The following COL11A1 variants were observed in gnomAD, a reference collection of about 807,000 sequenced individuals.
COL11A1 encodes collagen alpha-1(XI) chain.
COL11A1 carries 74 observed loss-of-function variants against 265.2 expected under a neutral mutation model. The ratio of observed to expected loss-of-function variants is 0.28; its 90% CI spans 0.23 to 0.34. The LOEUF (loss-of-function observed/expected upper bound fraction) is 0.34, where lower values mean the gene tolerates loss of function less well. Ranked by LOEUF, COL11A1 falls within the 10% of genes least tolerant of loss-of-function variation. The pLI, the probability that COL11A1 is intolerant of heterozygous loss-of-function variation, is 1.00. For synonymous variants in COL11A1, 816 were observed against 727.6 expected, an observed-to-expected ratio of 1.12 and a Z score of -1.96; for missense variants, 2,165 against 2,263.6, an observed-to-expected ratio of 0.96 and a Z score of 0.88.
intron 54 of COL11A1, among the ~76,000 whole-genome samples, chr1:102,907,804 A>G (rs1185144281): frequency 1.3e-5 from 2 of 152,032 alleles, no homozygotes; most frequent in Admixed American, 1.3e-4. Flanking sequence ...ATTTTAGTTT[A>G]TTAATATACT....
chr1:102,891,940 T>C (rs906309765), intron 57 of COL11A1, among the ~76,000 whole-genome samples: 1 of 152,192 alleles, frequency 6.6e-6, no homozygotes, highest in South Asian at 2.1e-4. Context: ...GCCAAATTGT[T>C]GTACTACAAT....
chr1:102,932,743 TTTGGTCTTTTCACA>T (rs1657631137), intron 46 of COL11A1, among the ~76,000 whole-genome samples: 3 of 151,044 alleles, frequency 2.0e-5, no homozygotes. Context: ...CAGACGTAGA[TTTGGTCTTTTCACA>T]TAGTCCCATA....
chr1:103,056,849 AT>A, intron 4 of COL11A1, among the ~76,000 whole-genome samples: 1 of 152,322 alleles, frequency 6.6e-6, no homozygotes, highest in East Asian at 1.9e-4. Context: ...TCAGTGTAAA[AT>A]AAATGTATGT....
Position 102,879,422 on chromosome 1 carries a change from T to C in COL11A1, c.5274+261A>G, listed in dbSNP as rs112796729. On this transcript the variant is annotated intron_variant, in intron 66 of 66. Transcript: ENST00000370096. ...ATAACTAGCTGTGATATGATTCAAA[T>C]GTCAGAATAAAATAACATATAATCC... 0.015 allele frequency among the ~76,000 whole-genome samples: 2,295 copies of C among 152,310 alleles called. 73 individuals carry two copies. The highest frequency in any genetic ancestry group is 0.053 in the African/African-American group (2,202 of 41,558).
At chr1:102,947,289 A>T (rs747758975) in intron 41 of COL11A1, among the ~76,000 whole-genome samples, 1 of 152,186 alleles carries the variant, frequency 6.6e-6, no homozygotes, top group South Asian at 2.1e-4. Flanking sequence ...AAATATATCT[A>T]ATAACCTCCT....
chr1:103,098,885 C>T (rs1415359), intron 1 of COL11A1, among the ~76,000 whole-genome samples: 96,697 of 151,356 alleles, frequency 0.64, 31,193 homozygotes, highest in East Asian at 0.92. Flanking sequence ...ATAGGTTGGC[C>T]TAGAACCAAA....
At chr1:103,053,737 A>T (rs1267620369) in intron 4 of COL11A1, among the ~76,000 whole-genome samples, 1 of 152,220 alleles carries the variant, frequency 6.6e-6, no homozygotes, top group Admixed American at 6.5e-5. Flanking sequence ...AACAAAAATC[A>T]AAAGAGAAAA....
rs149842131 is a variant in COL11A1 at position 102,976,289 on chromosome 1, C to CTTTTTTTTTTTTT, written c.2755-1419_2755-1407dup. On this transcript the variant is annotated intron_variant, in intron 35 of 66. Coordinates refer to ENST00000370096, the MANE Select transcript of COL11A1 (RefSeq NM_001854.4). ...TATAAAATTTCACAGAAAACGTTGG[C>CTTTTTTTTTTTTT]TTTTTTTTTTTTTTTTTTTTTTTTT... 7.0e-4 allele frequency among the ~76,000 whole-genome samples: 41 copies of CTTTTTTTTTTTTT among 58,600 alleles called. 9 individuals are homozygous for CTTTTTTTTTTTTT. The highest frequency in any genetic ancestry group is 2.0e-3 in the South Asian group (2 of 986). The allele number at this position is 58,600 out of a possible 152,430, so 38.4% of individuals were successfully genotyped here.
At chr1:102,958,032 A>G (rs2615984) in intron 41 of COL11A1, among the ~76,000 whole-genome samples, 143,303 of 152,126 alleles carry the variant, frequency 0.94, 67,644 homozygotes, top group East Asian at 1. Flanking sequence ...ACAAATAACC[A>G]CTGAATACTC....
intron 44 of COL11A1, among the ~76,000 whole-genome samples, chr1:102,936,925 T>C (rs1216573162): frequency 6.6e-6 from 1 of 152,130 alleles, no homozygotes; most frequent in Non-Finnish European, 1.5e-5. Flanking sequence ...CTACATAATT[T>C]ATGTGAGCTT....
intron 23 of COL11A1, 60 bp from the exon 24 acceptor site, chr1:103,002,029 AAC>A: frequency 7.1e-7 from 1 of 1,405,768 alleles, no homozygotes; most frequent in Non-Finnish European, 1.0e-6. Flanking sequence ...ATGCTTTTAA[AAC>A]AGCAAATTAT....
At chr1:102,915,735 A>ATTTGAAT in intron 49 of COL11A1, 51 bp from the exon 50 acceptor site, 1 of 1,357,794 alleles carries the variant, frequency 7.4e-7, no homozygotes, top group African/African-American at 1.4e-5. Context: ...GATCTTTTAC[A>ATTTGAAT]TTTATAAAAT....
chr1:102,977,768 G>C (rs1242808117), intron 35 of COL11A1, among the ~76,000 whole-genome samples: 2 of 152,044 alleles, frequency 1.3e-5, no homozygotes, highest in African/African-American at 2.4e-5. Flanking sequence ...AGTTCATCGA[G>C]AGTGAGAAAC....
intron 7 of COL11A1, among the ~76,000 whole-genome samples, 181 bp downstream of exon 7, chr1:103,025,340 T>C (rs1026532395): frequency 3.3e-5 from 5 of 152,218 alleles, no homozygotes; most frequent in Non-Finnish European, 7.4e-5. Flanking sequence ...GAATTGGCAT[T>C]GATTTCAGAT....
intron 30 of COL11A1, among the ~76,000 whole-genome samples, chr1:102,986,118 G>A (rs554052337): frequency 6.6e-6 from 1 of 151,878 alleles, no homozygotes; most frequent in Non-Finnish European, 1.5e-5. Flanking sequence ...TTCTTAAATA[G>A]CATTATTGCG....
At chr1:102,979,161 GT>G in intron 32 of COL11A1, 57 bp from the exon 33 acceptor site, 1 of 1,491,836 alleles carries the variant, frequency 6.7e-7, no homozygotes, top group Non-Finnish European at 9.4e-7. Flanking sequence ...TATGAGCCTG[GT>G]GCTGAGACTG....
At chr1:102,946,783 T>C (rs1369593833) in intron 42 of COL11A1, 66 bp downstream of exon 42, 1 of 1,267,862 alleles carries the variant, frequency 7.9e-7, no homozygotes, top group Non-Finnish European at 1.1e-6. Context: ...GCTAATATTA[T>C]TGAATAAAAA....
intron 4 of COL11A1, among the ~76,000 whole-genome samples, chr1:103,050,098 G>A (rs1669674003): frequency 6.6e-6 from 1 of 152,082 alleles, no homozygotes; most frequent in African/African-American, 2.4e-5. Context: ...TCTTCTCAAG[G>A]ACTATCTTTG....
chr1:102,919,128 T>C (rs1655679993), intron 49 of COL11A1, among the ~76,000 whole-genome samples: 1 of 150,314 alleles, frequency 6.7e-6, no homozygotes, highest in Non-Finnish European at 1.5e-5. Context: ...CTAGGACAAC[T>C]GAATGGAATG....
Sources: gnomAD v4.1 joint callset for allele counts (sites outside exome capture counted in the v4.1 genomes callset) on GRCh38, gnomAD v4.1.1 for gene constraint, MANE v1.5 for transcripts, NCBI Gene and HGNC (gene_info 2026-07-23, HGNC 2026-07-21) for gene names.